PLD5: variants seen among roughly 807,000 people sequenced by gnomAD.
The protein encoded by PLD5 is phospholipase D family member 5.
A neutral mutation model predicts 61.1 loss-of-function variants in PLD5; 36 were observed. The observed-to-expected ratio is 0.59, with a 90% confidence interval of 0.45 to 0.78. The LOEUF (loss-of-function observed/expected upper bound fraction) is 0.78. PLD5 is among the 30% of genes least tolerant of loss of function. PLD5 has a pLI of 0.00. For synonymous variants in PLD5, 243 were observed against 242.8 expected (o/e 1.00, Z -0.01); for missense variants, 515 against 644.4 (o/e 0.80, Z 2.17).
intron 4 of PLD5, among the ~76,000 whole-genome samples, chr1:242,222,181 C>T (rs1218321234): frequency 6.7e-6 from 1 of 150,350 alleles, no homozygotes; most frequent in Non-Finnish European, 1.5e-5. Context: ...GGATGAAGGT[C>T]CCGCCCCCCA....
chr1:242,111,021 T>C (rs1314258733), intron 7 of PLD5, among the ~76,000 whole-genome samples: 1 of 151,966 alleles, frequency 6.6e-6, no homozygotes, highest in East Asian at 1.9e-4. Flanking sequence ...GAGAGCTTGA[T>C]TGCTAAATCA....
chr1:242,428,919 C>T (rs1274454816), intron 1 of PLD5, among the ~76,000 whole-genome samples: 2 of 152,092 alleles, frequency 1.3e-5, no homozygotes, highest in African/African-American at 4.8e-5. Flanking sequence ...GCAGTCATTG[C>T]CCTCGGTGAT....
chr1:242,165,734 A>T (rs1324756611), intron 5 of PLD5, among the ~76,000 whole-genome samples: 3 of 152,202 alleles, frequency 2.0e-5, no homozygotes, highest in Non-Finnish European at 4.4e-5. Context: ...TGCAATTTCC[A>T]GTGCTATACC....
rs374538237 is a variant in PLD5, at chr1:242,134,687, G to A, written c.736-10022C>T. ...CTGATTCATTCCTTTGTGATTTAGA[G>A]CATTGCTCGCTGGACTTCTCCTCCT... On this transcript the variant is annotated intron_variant, in intron 5 of 9. Transcript: ENST00000536534. 3.3e-5 allele frequency among the ~76,000 whole-genome samples: 5 copies of A among 152,314 alleles called. No individual in the cohort carries two copies. The South Asian group carries it at 8.3e-4, about 25-fold the overall frequency.
chr1:242,296,455 G>T (rs1675663333), intron 2 of PLD5, among the ~76,000 whole-genome samples: 1 of 152,100 alleles, frequency 6.6e-6, no homozygotes, highest in Admixed American at 6.6e-5. Flanking sequence ...AAAAGCATAG[G>T]ATCAACAAGA....
intron 1 of PLD5, among the ~76,000 whole-genome samples, chr1:242,369,195 G>A (rs2149244555): frequency 6.6e-6 from 1 of 152,248 alleles, no homozygotes; most frequent in African/African-American, 2.4e-5. Context: ...TGTCTTCCAA[G>A]CAAGTACATC....
At chr1:242,355,644 C>T (rs1457329214) in intron 1 of PLD5, among the ~76,000 whole-genome samples, 2 of 151,412 alleles carry the variant, frequency 1.3e-5, no homozygotes, top group East Asian at 3.9e-4. Flanking sequence ...CTTTTGCTAA[C>T]ATTGGGCTTA....
At chr1:242,313,406 T>C in intron 2 of PLD5, among the ~76,000 whole-genome samples, 1 of 152,174 alleles carries the variant, frequency 6.6e-6, no homozygotes, top group Non-Finnish European at 1.5e-5. Flanking sequence ...TTTTCCTAAG[T>C]CATGCTTGTT....
chr1:242,476,375 A>G (rs149914253), intron 1 of PLD5, among the ~76,000 whole-genome samples: 1 of 152,082 alleles, frequency 6.6e-6, no homozygotes, highest in Admixed American at 6.6e-5. Context: ...AGAAAAAAGA[A>G]AAAAGAAAAC....
intron 1 of PLD5, among the ~76,000 whole-genome samples, chr1:242,461,679 G>A (rs190623797): frequency 1.7e-4 from 26 of 152,242 alleles, no homozygotes; most frequent in East Asian, 9.7e-4. Context: ...TGCTTCCCAC[G>A]GTGGCTGAAC....
chr1:242,474,971 T>G (rs1667543704), intron 1 of PLD5, among the ~76,000 whole-genome samples: 1 of 152,222 alleles, frequency 6.6e-6, no homozygotes. Flanking sequence ...ATTTATGAGC[T>G]TAGAGGGCAG....
At chr1:242,240,262 G>C (rs1316105178) in intron 4 of PLD5, among the ~76,000 whole-genome samples, 1 of 152,158 alleles carries the variant, frequency 6.6e-6, no homozygotes, top group Non-Finnish European at 1.5e-5. Flanking sequence ...TCTTCTCTTG[G>C]CATAGAGTCA....
chr1:242,246,785 A>C (rs1385638863), intron 4 of PLD5, among the ~76,000 whole-genome samples: 2 of 152,156 alleles, frequency 1.3e-5, no homozygotes, highest in African/African-American at 4.8e-5. Flanking sequence ...CCTGGGGAAC[A>C]CAGTCTCAAG....
intron 6 of PLD5, among the ~76,000 whole-genome samples, chr1:242,123,852 G>A (rs1662575127): frequency 6.6e-6 from 1 of 152,162 alleles, no homozygotes; most frequent in African/African-American, 2.4e-5. Flanking sequence ...GCTGGGTGGT[G>A]GACTGGGAAG....
rs1314538701 is a variant in PLD5 at position 242,087,906 on chromosome 1, T to C, written c.*1948A>G. 6.6e-6 allele frequency: 1 copy of C among 152,232 alleles called. No individual in the cohort carries two copies. Among genetic ancestry groups the C allele is most frequent in the African/African-American group, 2.4e-5 (1 of 41,472 alleles). The allele number at this position is 152,232 out of a possible 1,614,324, so 9.4% of individuals were successfully genotyped here. A position where few individuals can be genotyped will look rare whatever the true frequency, so the allele number is the denominator to read the frequency against. ...AGAATTTCAGTGAGAATCTCCCAAT[T>C]AGTCATAAAACCATGCTACCCTTAA... On this transcript the variant is annotated 3_prime_UTR_variant, in exon 10 of 10. Coordinates refer to ENST00000536534, the MANE Select transcript of PLD5 (RefSeq NM_001372062.1).
intron 1 of PLD5, among the ~76,000 whole-genome samples, chr1:242,405,276 T>C (rs1207768434): frequency 6.6e-6 from 1 of 152,138 alleles, no homozygotes; most frequent in Admixed American, 6.5e-5. Context: ...TGTTAGTGAT[T>C]CCCAGCTAGG....
intron 3 of PLD5, among the ~76,000 whole-genome samples, chr1:242,278,363 G>A (rs1200431982): frequency 1.3e-5 from 2 of 152,164 alleles, no homozygotes; most frequent in Non-Finnish European, 2.9e-5. Context: ...TTTATTCATG[G>A]CCATATGATT....
In PLD5 at chr1:242,089,315, A is replaced by C; in HGVS notation, c.*539T>G. On this transcript the variant is annotated 3_prime_UTR_variant, in exon 10 of 10. Transcript: ENST00000536534. The stretch of plus-strand genomic sequence containing the variant: ...CTTATGGTATAAGAAGAAAATGAGC[A>C]AGACAGAAAAGGATATTTTTCAAGG... 1 of 399,644 alleles carries C rather than the reference A, an allele frequency of 2.5e-6. No homozygotes were observed. The highest frequency in any genetic ancestry group is 4.4e-6 in the Non-Finnish European group (1 of 226,820). The allele number at this position is 399,644 out of a possible 1,614,324, so 24.8% of individuals were successfully genotyped here. A position where few individuals can be genotyped will look rare whatever the true frequency, so the allele number is the denominator to read the frequency against.
chr1:242,260,516 C>A (rs1284246024), intron 4 of PLD5, among the ~76,000 whole-genome samples: 1 of 152,026 alleles, frequency 6.6e-6, no homozygotes, highest in African/African-American at 2.4e-5. Context: ...ATGTATCAGA[C>A]AATGAGAAGC....
Sources: gnomAD v4.1 joint callset for allele counts (sites outside exome capture counted in the v4.1 genomes callset) on GRCh38, gnomAD v4.1.1 for gene constraint, MANE v1.5 for transcripts, NCBI Gene and HGNC (gene_info 2026-07-23, HGNC 2026-07-21) for gene names.